GNA12: variants seen among roughly 807,000 people sequenced by gnomAD.
GNA12 encodes the protein G protein subunit alpha 12, also known as guanine nucleotide-binding protein subunit alpha-12.
Under a neutral mutation model 26.0 loss-of-function variants are expected in GNA12, and 9 were observed. The observed-to-expected ratio is 0.35, with a 90% CI of 0.21 to 0.60. The LOEUF is 0.60. GNA12 is among the 20% of genes least tolerant of loss of function. GNA12 has a pLI of 0.78. For synonymous variants in GNA12, 264 were observed against 219.6 expected (o/e 1.20, Z -1.79); for missense variants, 405 against 525.8 (o/e 0.77, Z 2.25).
At chr7:2,789,167 G>A (rs1320568894) in intron 2 of GNA12, among the ~76,000 whole-genome samples, 1 of 89,052 alleles carries the variant, frequency 1.1e-5, no homozygotes, top group Admixed American at 1.5e-4. Flanking sequence ...ACGGAGTCTC[G>A]CTCTGTCGCC....
intron 2 of GNA12, chr7:2,764,813 A>T (rs1297582129): frequency 6.6e-6 from 1 of 152,216 alleles, no homozygotes; most frequent in Non-Finnish European, 1.5e-5. Context: ...CCCTGAAGGG[A>T]ACACTGAGAC....
chr7:2,843,715 G>A (rs1353738775), intron 1 of GNA12, 138 bp downstream of exon 1: 4 of 433,630 alleles, frequency 9.2e-6, no homozygotes, highest in Non-Finnish European at 1.2e-5. Context: ...GGGGGGGAGT[G>A]GGGTGCAGGC....
At chr7:2,827,690 C>G (rs976088389) in intron 1 of GNA12, among the ~76,000 whole-genome samples, 2 of 152,130 alleles carry the variant, frequency 1.3e-5, no homozygotes, top group South Asian at 4.2e-4. Flanking sequence ...GATGGCAGGA[C>G]CAATGTCAGA....
chr7:2,739,061 G>A (rs992791561), intron 2 of GNA12, among the ~76,000 whole-genome samples: 6 of 152,210 alleles, frequency 3.9e-5, no homozygotes, highest in African/African-American at 1.4e-4. Context: ...GTAAGCTCAG[G>A]CTCCGCAGGG....
chr7:2,745,301 T>C (rs559462805), intron 2 of GNA12, among the ~76,000 whole-genome samples: 1 of 152,232 alleles, frequency 6.6e-6, no homozygotes, highest in African/African-American at 2.4e-5. Context: ...GGGAAGCCCA[T>C]CAGACTAACA....
At chr7:2,797,122 G>A (rs983545206) in intron 1 of GNA12, among the ~76,000 whole-genome samples, 3 of 152,114 alleles carry the variant, frequency 2.0e-5, no homozygotes, top group African/African-American at 7.2e-5. Flanking sequence ...GAGAAAACCA[G>A]GGTCACCTGC....
At chr7:2,736,768 C>G (rs558350031) in intron 2 of GNA12, among the ~76,000 whole-genome samples, 1 of 152,228 alleles carries the variant, frequency 6.6e-6, no homozygotes, top group African/African-American at 2.4e-5. Context: ...CTCAGAACTC[C>G]GTCAGCACCG....
At chr7:2,793,373 G>A (rs901518777) in intron 2 of GNA12, among the ~76,000 whole-genome samples, 1 of 147,840 alleles carries the variant, frequency 6.8e-6, no homozygotes, top group African/African-American at 2.6e-5. Context: ...GGAAAGGTGG[G>A]TCACATTCAG....
chr7:2,752,215 T>C (rs1214324020), intron 2 of GNA12, among the ~76,000 whole-genome samples: 1 of 152,020 alleles, frequency 6.6e-6, no homozygotes, highest in Non-Finnish European at 1.5e-5. Context: ...AAAAAAAGCA[T>C]GTGAAAAAAT....
At position 2,812,680 on chromosome 7, in the gene GNA12, TCAC is replaced by T. The variant is rs1793113012; in HGVS notation, c.310-17540_310-17538del. ...TCACATCACATCACATCACATCACATCACATCACATCACATCAGGGGCTTTGTG... is the reference window on the plus strand; with the variant it reads ...TCACATCACATCACATCACATCACATATCACATCACATCAGGGGCTTTGTG... On this transcript the variant is annotated intron_variant, in intron 1 of 3. Transcript: ENST00000275364. 4.8e-5 allele frequency among the ~76,000 whole-genome samples: 6 copies of T among 126,158 alleles called. No homozygotes were observed. In the South Asian group the frequency reaches 1.4e-3, roughly 30 times the overall value. The allele number at this position is 126,158 out of a possible 152,430, so 82.8% of individuals were successfully genotyped here.
At chr7:2,802,713 T>C (rs1461398256) in intron 1 of GNA12, among the ~76,000 whole-genome samples, 1 of 152,212 alleles carries the variant, frequency 6.6e-6, no homozygotes, top group Non-Finnish European at 1.5e-5. Flanking sequence ...GGCTGAGTTG[T>C]TTGCCTTTGG....
At chr7:2,736,780 C>G (rs1319607899) in intron 2 of GNA12, among the ~76,000 whole-genome samples, 1 of 152,246 alleles carries the variant, frequency 6.6e-6, no homozygotes, top group Non-Finnish European at 1.5e-5. Flanking sequence ...TCAGCACCGT[C>G]AGGCAGGCAC....
chr7:2,819,061 G>T (rs531187946), intron 1 of GNA12, among the ~76,000 whole-genome samples: 2 of 152,116 alleles, frequency 1.3e-5, no homozygotes, highest in Non-Finnish European at 2.9e-5. Context: ...ATTACCCTGC[G>T]AGCCTGATGG....
intron 2 of GNA12, among the ~76,000 whole-genome samples, chr7:2,752,897 G>A (rs1334750194): frequency 6.6e-6 from 1 of 152,102 alleles, no homozygotes; most frequent in Admixed American, 6.5e-5. Flanking sequence ...TGTGTGTGTG[G>A]TTCCATGCAC....
intron 2 of GNA12, among the ~76,000 whole-genome samples, chr7:2,743,586 C>A: frequency 6.6e-6 from 1 of 152,190 alleles, no homozygotes; most frequent in East Asian, 1.9e-4. Context: ...AGGAACAGCT[C>A]CGGTCTACAG....
At chr7:2,746,593 A>T (rs1790773890) in intron 2 of GNA12, among the ~76,000 whole-genome samples, 1 of 152,216 alleles carries the variant, frequency 6.6e-6, no homozygotes, top group African/African-American at 2.4e-5. Flanking sequence ...ACACCCTAAC[A>T]TCACAACTAA....
At chr7:2,767,924 G>A (rs1791847603) in intron 2 of GNA12, among the ~76,000 whole-genome samples, 1 of 152,132 alleles carries the variant, frequency 6.6e-6, no homozygotes, top group Non-Finnish European at 1.5e-5. Context: ...GTACAATCTC[G>A]GCTCACTGCA....
chr7:2,760,209 C>T (rs548902800), intron 2 of GNA12: 4 of 152,316 alleles, frequency 2.6e-5, no homozygotes, highest in African/African-American at 9.6e-5. Context: ...AAGACACACC[C>T]AACGCGTGCA....
At chr7:2,825,427 C>T (rs551597882) in intron 1 of GNA12, among the ~76,000 whole-genome samples, 13 of 149,706 alleles carry the variant, frequency 8.7e-5, no homozygotes, top group Non-Finnish European at 1.9e-4. Context: ...CCAGCATGTG[C>T]GCCCCCAGCA....
Sources: allele counts gnomAD v4.1 joint callset (sites outside exome capture counted in the v4.1 genomes callset), GRCh38; gene constraint gnomAD v4.1.1; transcripts MANE v1.5; gene names NCBI Gene and HGNC (gene_info 2026-07-23, HGNC 2026-07-21).